TCF12: variants seen among roughly 807,000 people sequenced by gnomAD.
TCF12 encodes the protein transcription factor 12.
TCF12 carries 45 observed loss-of-function variants against 86.0 expected under a neutral mutation model. That is an observed-to-expected ratio of 0.52 (90% CI 0.41 to 0.67). The LOEUF (loss-of-function observed/expected upper bound fraction) is 0.67, where lower values mean the gene tolerates loss of function less well. Among genes scored for constraint, TCF12 ranks in the 30% least tolerant of loss-of-function variants. The pLI is 0.00. For missense variants in TCF12, 881 were observed against 859.9 expected, an observed-to-expected ratio of 1.02 and a Z score of -0.31; for synonymous variants, 330 against 299.6, an observed-to-expected ratio of 1.10 and a Z score of -1.05.
At position 57,273,281 on chromosome 15, in the gene TCF12, G is replaced by T; in HGVS notation, c.1978+19G>T. On this transcript the variant is annotated intron_variant, in intron 19 of 20. Coordinates refer to ENST00000333725, the MANE Select transcript of TCF12 (RefSeq NM_207037.2). ...GTCAGAGGTAAGTAGGTTCAGCCGA[G>T]ATGTATAACTGTTCTGCTTCAGATG... The T allele has an allele frequency of 6.2e-7, 1 of 1,610,468 alleles. No homozygotes were observed. Among genetic ancestry groups the T allele is most frequent in the Non-Finnish European group, 8.5e-7 (1 of 1,176,854 alleles).
At chr15:57,226,502 G>A (rs978021342) in intron 8 of TCF12, among the ~76,000 whole-genome samples, 2 of 152,082 alleles carry the variant, frequency 1.3e-5, no homozygotes, top group Non-Finnish European at 1.5e-5. Context: ...TAATGATACT[G>A]AACATATGGG....
intron 3 of TCF12, among the ~76,000 whole-genome samples, chr15:56,969,817 A>C (rs1404845835): frequency 2.0e-5 from 3 of 152,102 alleles, no homozygotes; most frequent in African/African-American, 7.2e-5. Flanking sequence ...AATCTGTGGG[A>C]TTGGAGTGAG....
chr15:56,929,794 G>A (rs1194281463), intron 3 of TCF12, among the ~76,000 whole-genome samples: 3 of 151,886 alleles, frequency 2.0e-5, no homozygotes, highest in African/African-American at 7.3e-5. Context: ...ACTGTATTTT[G>A]GTTATTAAAA....
At chr15:57,075,201 AC>A (rs1214833257) in intron 4 of TCF12, among the ~76,000 whole-genome samples, 3 of 152,154 alleles carry the variant, frequency 2.0e-5, no homozygotes, top group African/African-American at 7.2e-5. Flanking sequence ...TGTTGGTAAT[AC>A]TGTTGCATCT....
intron 19 of TCF12, chr15:57,282,092 A>G (rs1890257987): frequency 5.2e-5 from 16 of 307,548 alleles, no homozygotes; most frequent in South Asian, 4.4e-4. Flanking sequence ...GTCAGCATTC[A>G]TGTCAATTCA....
At chr15:56,966,851 G>A (rs890989910) in intron 3 of TCF12, among the ~76,000 whole-genome samples, 7 of 152,216 alleles carry the variant, frequency 4.6e-5, no homozygotes, top group African/African-American at 1.4e-4. Context: ...GGCTGGGCAC[G>A]GTGGCTCACG....
intron 3 of TCF12, 28 bp from the exon 4 acceptor site, chr15:57,063,722 T>C: frequency 6.4e-7 from 1 of 1,571,706 alleles, no homozygotes; most frequent in Non-Finnish European, 8.7e-7. Context: ...TGTTTTTAGA[T>C]ATATCTTTTA....
intron 5 of TCF12, chr15:57,129,815 A>T (rs1444853167): frequency 6.6e-6 from 1 of 152,206 alleles, no homozygotes; most frequent in African/African-American, 2.4e-5. Context: ...GCTTAGAGAG[A>T]AGACATACAA....
At chr15:56,995,268 T>C (rs1256189555) in intron 3 of TCF12, among the ~76,000 whole-genome samples, 6 of 105,802 alleles carry the variant, frequency 5.7e-5, no homozygotes, top group African/African-American at 2.1e-4. Context: ...TTGCTTAGGA[T>C]TGCTTTGGCT....
intron 19 of TCF12, among the ~76,000 whole-genome samples, chr15:57,274,854 T>C (rs1298391541): frequency 6.6e-6 from 1 of 152,238 alleles, no homozygotes; most frequent in Non-Finnish European, 1.5e-5. Flanking sequence ...AATGCAGTCA[T>C]TTGTGTTTTT....
At chr15:57,215,107 C>A (rs1453319685) in intron 8 of TCF12, among the ~76,000 whole-genome samples, 2 of 151,994 alleles carry the variant, frequency 1.3e-5, no homozygotes, top group Non-Finnish European at 2.9e-5. Context: ...ATTAGAAAAA[C>A]CAGAATAACA....
chr15:56,946,562 T>C (rs543893946), intron 3 of TCF12, among the ~76,000 whole-genome samples: 1 of 152,304 alleles, frequency 6.6e-6, no homozygotes, highest in East Asian at 1.9e-4. Flanking sequence ...GGCCTATTTC[T>C]ACTGACAGAT....
intron 4 of TCF12, among the ~76,000 whole-genome samples, chr15:57,077,928 C>T (rs978173292): frequency 6.6e-6 from 1 of 151,994 alleles, no homozygotes; most frequent in Non-Finnish European, 1.5e-5. Context: ...ACTTAAATAA[C>T]ACATTTATTG....
At chr15:57,154,152 GA>G (rs1368490882) in intron 5 of TCF12, among the ~76,000 whole-genome samples, 1 of 152,104 alleles carries the variant, frequency 6.6e-6, no homozygotes, top group Non-Finnish European at 1.5e-5. Context: ...GAGATACCAA[GA>G]GATAGAGGAA....
intron 3 of TCF12, among the ~76,000 whole-genome samples, chr15:57,019,754 A>G (rs1458668463): frequency 6.6e-5 from 10 of 151,984 alleles, no homozygotes; most frequent in African/African-American, 2.2e-4. Flanking sequence ...TATAGGAGCA[A>G]TTGGGGATGT....
chr15:57,000,368 TATAAA>T (rs2063955065), intron 3 of TCF12, among the ~76,000 whole-genome samples: 1 of 151,322 alleles, frequency 6.6e-6, no homozygotes, highest in Non-Finnish European at 1.5e-5. Flanking sequence ...TTTTTAAACA[TATAAA>T]ATAAGGGATG....
At chr15:56,945,351 T>G (rs932168807) in intron 3 of TCF12, among the ~76,000 whole-genome samples, 1 of 152,150 alleles carries the variant, frequency 6.6e-6, no homozygotes, top group Non-Finnish European at 1.5e-5. Flanking sequence ...TGTTCTTCAT[T>G]TCTTTGTGTA....
intron 5 of TCF12, among the ~76,000 whole-genome samples, chr15:57,161,240 T>A (rs1052054508): frequency 6.6e-6 from 1 of 152,254 alleles, no homozygotes; most frequent in Non-Finnish European, 1.5e-5. Flanking sequence ...AGGTTATAAC[T>A]TAAGTATATT....
intron 3 of TCF12, among the ~76,000 whole-genome samples, chr15:56,976,523 A>G (rs2062614893): frequency 6.6e-6 from 1 of 151,886 alleles, no homozygotes; most frequent in Admixed American, 6.6e-5. Context: ...GTTTCTTTTT[A>G]TAGAACTATT....
Sources: allele counts gnomAD v4.1 joint callset (sites outside exome capture counted in the v4.1 genomes callset), GRCh38; gene constraint gnomAD v4.1.1; transcripts MANE v1.5; gene names NCBI Gene and HGNC (gene_info 2026-07-23, HGNC 2026-07-21).